The following ASTN2 variants were observed in gnomAD, a reference collection of about 807,000 sequenced individuals.
ASTN2 encodes the protein astrotactin-2.
Under a neutral mutation model 139.8 loss-of-function variants are expected in ASTN2, and 54 were observed. That is an observed-to-expected ratio of 0.39 (90% CI 0.31 to 0.48). ASTN2 has a LOEUF of 0.48. Ranked by LOEUF, ASTN2 falls within the 20% of genes least tolerant of loss-of-function variation. The pLI is 0.95. For missense variants in ASTN2, 1,565 were observed against 1,725.1 expected (o/e 0.91, Z 1.64); for synonymous variants, 756 against 719.5 (o/e 1.05, Z -0.81).
At chr9:116,606,856 C>T (rs1435426371) in intron 19 of ASTN2, among the ~76,000 whole-genome samples, 2 of 152,130 alleles carry the variant, frequency 1.3e-5, no homozygotes, top group Non-Finnish European at 2.9e-5. Flanking sequence ...GTTGACTACC[C>T]CTAGATCTCT....
intron 1 of ASTN2, among the ~76,000 whole-genome samples, chr9:117,315,865 G>T (rs890717836): frequency 6.6e-6 from 1 of 152,156 alleles, no homozygotes; most frequent in Non-Finnish European, 1.5e-5. Flanking sequence ...GAACTTCAGA[G>T]AGTAAAACCT....
At chr9:117,365,992 GA>G (rs1829835063) in intron 1 of ASTN2, among the ~76,000 whole-genome samples, 1 of 152,144 alleles carries the variant, frequency 6.6e-6, no homozygotes, top group African/African-American at 2.4e-5. Context: ...CTGCGCTCCT[GA>G]CACATTACAT....
At chr9:116,999,024 G>A (rs572692024) in intron 7 of ASTN2, among the ~76,000 whole-genome samples, 2 of 152,144 alleles carry the variant, frequency 1.3e-5, no homozygotes, top group Admixed American at 6.5e-5. Context: ...CACATACAGT[G>A]TATTCTCATT....
At chr9:117,395,916 A>G (rs931529913) in intron 1 of ASTN2, among the ~76,000 whole-genome samples, 24 of 152,222 alleles carry the variant, frequency 1.6e-4, no homozygotes, top group Admixed American at 2.0e-4. Flanking sequence ...GAATCTATAG[A>G]ACATTCCTGG....
In ASTN2 at chr9:117,328,881, G is replaced by A. The variant is rs116838961; in HGVS notation, c.443-37368C>T. Among the ~76,000 whole-genome samples the A allele has an allele frequency of 7.1e-3, 1,080 of 152,334 alleles. 9 individuals are homozygous for A. The highest frequency in any genetic ancestry group is 0.022 in the African/African-American group (935 of 41,574). ...GGGTGACGGAGAGCCATCTCATGGC[G>A]AGGAAAAGAAGAGTGGAGTGGATGC... is the stretch of plus-strand genomic sequence containing the variant. On this transcript the variant is annotated intron_variant, in intron 1 of 22. Coordinates refer to ENST00000313400, the MANE Select transcript of ASTN2 (RefSeq NM_001365068.1).
In ASTN2 at chr9:117,120,028, A is replaced by ATATATACCCTGAG. The variant is rs1195270422; in HGVS notation, c.1168+21297_1168+21298insCTCAGGGTATATA. Among the ~76,000 whole-genome samples the ATATATACCCTGAG allele has an allele frequency of 7.5e-3, 684 of 91,078 alleles. 5 individuals are homozygous for ATATATACCCTGAG. Among genetic ancestry groups the ATATATACCCTGAG allele is most frequent in the Non-Finnish European group, 0.014 (576 of 40,524 alleles). The allele number at this position is 91,078 out of a possible 152,430, so 59.8% of individuals were successfully genotyped here. Reference sequence around the variant, plus strand: ...TGTGTGTGTGTGTGTGTATATATATATATATATATATATATATATATACCC... The same window carrying ATATATACCCTGAG: ...TGTGTGTGTGTGTGTGTATATATATATATATACCCTGAGTATATATATATATATATATATACCC... On this transcript the variant is annotated intron_variant, in intron 4 of 22. Transcript: ENST00000313400.
In ASTN2 at chr9:116,801,600, A is replaced by G. The variant is rs1165276980; in HGVS notation, c.2396+4032T>C. Among the ~76,000 whole-genome samples the G allele has an allele frequency of 3.3e-3, 499 of 149,502 alleles. 5 individuals carry two copies. The highest frequency in any genetic ancestry group is 0.012 in the African/African-American group (468 of 40,544). ...GGCTCTGTCTCAAAAAAAAAAAAAA[A>G]AAAAAAAAAAAAAGAAAGAAAGAAA... On this transcript the variant is annotated intron_variant, in intron 13 of 22. Coordinates refer to ENST00000313400, the MANE Select transcript of ASTN2 (RefSeq NM_001365068.1).
Position 117,008,253 on chromosome 9 carries a change from C to A in ASTN2, c.1430G>T (p.Ser477Ile). 6.2e-7 allele frequency: 1 copy of A among 1,600,134 alleles called. No individual in the cohort carries two copies. The highest frequency in any genetic ancestry group is 1.1e-5 in the South Asian group (1 of 88,650). Residue 477 changes from serine to isoleucine, a missense_variant, in exon 7 of 23, where the codon AGC (serine) becomes ATC (isoleucine). Coordinates refer to ENST00000313400, the MANE Select transcript of ASTN2 (RefSeq NM_001365068.1). ...GTAGCTCCCTTCACTCACCACGAAG[C>A]TGCTTCCTATGGGTGAACGGAGAGA... ...VPEHFIADGS[S>I]FVVSEGSYLD...
intron 3 of ASTN2, among the ~76,000 whole-genome samples, chr9:117,182,385 A>T (rs902939676): frequency 2.6e-5 from 4 of 152,064 alleles, no homozygotes; most frequent in African/African-American, 9.7e-5. Flanking sequence ...ATAATGAAAA[A>T]CTGAAAACAC....
chr9:116,620,528 C>T (rs1856086035), intron 17 of ASTN2, 85 bp from the exon 18 acceptor site: 9 of 1,548,692 alleles, frequency 5.8e-6, no homozygotes, highest in Non-Finnish European at 8.9e-7. Context: ...ATGATGTGAG[C>T]CATCGAGGGC....
chr9:116,906,324 G>C (rs979809643), intron 10 of ASTN2, among the ~76,000 whole-genome samples: 12 of 152,178 alleles, frequency 7.9e-5, no homozygotes, highest in Admixed American at 6.5e-5. Context: ...CAATGTTAGG[G>C]AAAAACAAAA....
intron 1 of ASTN2, among the ~76,000 whole-genome samples, chr9:117,380,485 G>A (rs1398832716): frequency 6.6e-6 from 1 of 151,478 alleles, no homozygotes; most frequent in Non-Finnish European, 1.5e-5. Context: ...TGCGCCTGCA[G>A]TCCCAGCTAC....
rs139505826 is a variant in ASTN2 at position 116,427,656 on chromosome 9, C to T, written c.3783-1568G>A. On this transcript the variant is annotated intron_variant, in intron 22 of 22. Coordinates refer to ENST00000313400, the MANE Select transcript of ASTN2 (RefSeq NM_001365068.1). The stretch of plus-strand genomic sequence containing the variant: ...GAGACTGTGTTAGGCACCTGCATAG[C>T]AGCTGAAAAAGGACCGAGCTTATGT... Among the ~76,000 whole-genome samples, 6 of 152,356 alleles carry T rather than the reference C, an allele frequency of 3.9e-5. No individual in the cohort carries two copies. The East Asian group carries it at 9.6e-4, about 24-fold the overall frequency.
At chr9:116,485,374 A>G (rs1170173672) in intron 20 of ASTN2, among the ~76,000 whole-genome samples, 1 of 152,204 alleles carries the variant, frequency 6.6e-6, no homozygotes, top group East Asian at 1.9e-4. Flanking sequence ...TAAGGAGGGG[A>G]GAAACCAGAA....
At chr9:116,464,524 A>G (rs1488769677) in intron 20 of ASTN2, among the ~76,000 whole-genome samples, 1 of 152,196 alleles carries the variant, frequency 6.6e-6, no homozygotes, top group Admixed American at 6.5e-5. Context: ...TATGTTGGTT[A>G]TAATTATCTT....
intron 1 of ASTN2, among the ~76,000 whole-genome samples, chr9:117,303,036 T>A (rs1054424659): frequency 6.6e-6 from 1 of 152,152 alleles, no homozygotes; most frequent in Non-Finnish European, 1.5e-5. Context: ...AAAACCCAGC[T>A]GAAGTGACCC....
chr9:116,919,659 T>G (rs923799378), intron 10 of ASTN2, among the ~76,000 whole-genome samples: 5 of 150,498 alleles, frequency 3.3e-5, no homozygotes, highest in Non-Finnish European at 7.4e-5. Flanking sequence ...TTTTTTTTTT[T>G]TTTTAGCTGA....
intron 11 of ASTN2, among the ~76,000 whole-genome samples, chr9:116,842,802 G>C (rs1453886419): frequency 6.6e-6 from 1 of 151,954 alleles, no homozygotes; most frequent in East Asian, 1.9e-4. Flanking sequence ...GGTAATGAAG[G>C]ACAGCAGCTG....
At chr9:117,115,024 C>G (rs73657638) in intron 4 of ASTN2, among the ~76,000 whole-genome samples, 1 of 151,990 alleles carries the variant, frequency 6.6e-6, no homozygotes, top group Non-Finnish European at 1.5e-5. Flanking sequence ...TGAGACACCC[C>G]GAAGCAAGAA....
Sources: gnomAD v4.1 joint callset for allele counts (sites outside exome capture counted in the v4.1 genomes callset) on GRCh38, gnomAD v4.1.1 for gene constraint, MANE v1.5 for transcripts, NCBI Gene and HGNC (gene_info 2026-07-23, HGNC 2026-07-21) for gene names.